Variants in PPP6C observed in about 807,000 individuals in gnomAD.
The protein encoded by PPP6C is serine/threonine-protein phosphatase 6 catalytic subunit.
Under a neutral mutation model 39.8 loss-of-function variants are expected in PPP6C, and 11 were observed. The ratio of observed to expected loss-of-function variants is 0.28; its 90% CI spans 0.17 to 0.46. The LOEUF (loss-of-function observed/expected upper bound fraction) is 0.46, where lower values mean the gene tolerates loss of function less well. Ranked by LOEUF, PPP6C falls within the 20% of genes least tolerant of loss-of-function variation. The pLI is 1.00. For synonymous variants in PPP6C, 129 were observed against 130.3 expected (o/e 0.99, Z 0.07); for missense variants, 211 against 373.9 (o/e 0.56, Z 3.59).
Position 125,189,681 on chromosome 9 carries a change from G to A in PPP6C, c.38C>T (p.Ala13Val). 3 of 1,612,328 alleles carry A rather than the reference G, an allele frequency of 1.9e-6. No individual in the cohort carries two copies. The highest frequency in any genetic ancestry group is 1.7e-5 in the Admixed American group (1 of 59,946). ...CTCTGGCAGGTACTTGCACAGCCGC[G>A]CTATTTCCACATACTTGTCCAGGTC... ...PLDLDKYVEI[A>V]RLCKYLPEND... Residue 13 changes from alanine (A) to valine (V), a missense_variant, in exon 1 of 7, where the codon GCG (alanine) becomes GTG (valine). Ala to Val is a moderately conservative substitution (Grantham distance 64). Transcript: ENST00000373547.
At chr9:125,160,740 A>C in intron 3 of PPP6C, 101 bp downstream of exon 3, 1 of 811,660 alleles carries the variant, frequency 1.2e-6, no homozygotes, top group South Asian at 2.1e-5. Flanking sequence ...ATACTGAAAT[A>C]GGGACTGTCA....
chr9:125,156,835 C>T (rs939686652), intron 4 of PPP6C, among the ~76,000 whole-genome samples: 5 of 150,834 alleles, frequency 3.3e-5, no homozygotes, highest in African/African-American at 1.2e-4. Flanking sequence ...TTTCTTGAGA[C>T]AGAGTCTGGC....
rs191510784 is a variant in PPP6C, at chr9:125,157,731, G to A, written c.379+510C>T. 4.3e-5 allele frequency among the ~76,000 whole-genome samples: 6 copies of A among 140,070 alleles called. No homozygotes were observed. The East Asian group carries it at 1.2e-3, about 29-fold the overall frequency. 91.9% of individuals were successfully genotyped at this position (140,070 alleles called of 152,430 possible). A position where few individuals can be genotyped will look rare whatever the true frequency, so the allele number is the denominator to read the frequency against. ...TTTTGAGACGGAGTCTCCCTATGTC[G>A]CCAGGCTGGAGTGCTGTGGCATGAT... On this transcript the variant is annotated intron_variant, in intron 4 of 6. Coordinates refer to ENST00000373547, the MANE Select transcript of PPP6C (RefSeq NM_002721.5).
At chr9:125,152,603 G>A (rs1459690476) in intron 6 of PPP6C, among the ~76,000 whole-genome samples, 2 of 152,110 alleles carry the variant, frequency 1.3e-5, no homozygotes, top group Admixed American at 6.5e-5. Flanking sequence ...GACCAAGGTG[G>A]GCAGATGACC....
At chr9:125,177,885 A>C (rs1311505470) in intron 1 of PPP6C, among the ~76,000 whole-genome samples, 3 of 152,198 alleles carry the variant, frequency 2.0e-5, no homozygotes, top group Non-Finnish European at 2.9e-5. Context: ...AAAATGTCAT[A>C]TAGTTGGAAT....
At chr9:125,176,791 C>CT (rs1829307428) in intron 1 of PPP6C, among the ~76,000 whole-genome samples, 1 of 152,190 alleles carries the variant, frequency 6.6e-6, no homozygotes, top group African/African-American at 2.4e-5. Context: ...AGTTAACTGG[C>CT]TTGGACAGGG....
At chr9:125,183,728 CATTTT>C (rs1252713659) in intron 1 of PPP6C, among the ~76,000 whole-genome samples, 1 of 152,150 alleles carries the variant, frequency 6.6e-6, no homozygotes, top group Non-Finnish European at 1.5e-5. Flanking sequence ...CTTTCCTTCT[CATTTT>C]GTCTACCTGA....
chr9:125,161,217 T>C (rs1315812899), intron 2 of PPP6C, among the ~76,000 whole-genome samples: 1 of 152,166 alleles, frequency 6.6e-6, no homozygotes, highest in Non-Finnish European at 1.5e-5. Context: ...AATTTCTCAG[T>C]AAGCTAATCT....
intron 4 of PPP6C, among the ~76,000 whole-genome samples, chr9:125,156,744 GCTCTCTCT>G (rs61252351): frequency 1.8e-4 from 25 of 141,436 alleles, no homozygotes; most frequent in African/African-American, 4.0e-4. Flanking sequence ...TAATAAGCTC[GCTCTCTCT>G]CTCTCTCTCT....
intron 2 of PPP6C, among the ~76,000 whole-genome samples, chr9:125,166,555 C>T (rs1829018555): frequency 2.5e-5 from 3 of 121,402 alleles, no homozygotes; most frequent in Non-Finnish European, 5.2e-5. Flanking sequence ...TTTTTTTTAG[C>T]AGAGTCTCAC....
chr9:125,157,474 A>G (rs1278021999), intron 4 of PPP6C, among the ~76,000 whole-genome samples: 1 of 152,200 alleles, frequency 6.6e-6, no homozygotes, highest in Non-Finnish European at 1.5e-5. Flanking sequence ...CCATGAAAAT[A>G]ACATTAATAA....
chr9:125,149,937 G>A lies in PPP6C; in HGVS notation c.670-16C>T. 1 of 1,611,090 alleles carries A rather than the reference G, an allele frequency of 6.2e-7. No homozygotes were observed. On this transcript the variant is annotated splice_polypyrimidine_tract_variant and intron_variant, in intron 6 of 6. Transcript: ENST00000373547. ...TATGAACAAACTGCAATTTAGAAAG[G>A]CACTGTAAGTACTTAGCACTTAAAA...
At chr9:125,183,505 A>AT (rs1416003399) in intron 1 of PPP6C, among the ~76,000 whole-genome samples, 4 of 152,238 alleles carry the variant, frequency 2.6e-5, no homozygotes, top group Admixed American at 6.6e-5. Flanking sequence ...TCACAGTATG[A>AT]TTTTTCCCTA....
chr9:125,186,680 G>T (rs376672597), intron 1 of PPP6C, among the ~76,000 whole-genome samples: 12 of 151,716 alleles, frequency 7.9e-5, no homozygotes, highest in African/African-American at 2.9e-4. Context: ...AGCCCAGGAG[G>T]TCGAGGCTGC....
chr9:125,188,953 T>G, intron 1 of PPP6C: 1 of 1,547,058 alleles, frequency 6.5e-7, no homozygotes, highest in Non-Finnish European at 8.7e-7. Context: ...AAATACTGAG[T>G]TAAGAAGGGG....
chr9:125,185,666 C>T (rs531843247), intron 1 of PPP6C, among the ~76,000 whole-genome samples: 1 of 149,994 alleles, frequency 6.7e-6, no homozygotes, highest in East Asian at 2.0e-4. Context: ...TGCACTCTAG[C>T]CTGGGCAACA....
intron 6 of PPP6C, among the ~76,000 whole-genome samples, 200 bp from the exon 7 acceptor site, chr9:125,150,121 G>A (rs925929386): frequency 7.2e-5 from 11 of 152,174 alleles, no homozygotes; most frequent in Non-Finnish European, 4.4e-5. Flanking sequence ...TATGGAAACT[G>A]TACAGCTACA....
At chr9:125,182,724 T>C (rs1456605991) in intron 1 of PPP6C, among the ~76,000 whole-genome samples, 6 of 148,784 alleles carry the variant, frequency 4.0e-5, no homozygotes, top group African/African-American at 1.5e-4. Context: ...TTGTGGATGT[T>C]TAGCAAAATC....
Position 125,163,194 on chromosome 9 carries a change from T to C in PPP6C, c.172-2288A>G, listed in dbSNP as rs139220788. Among the ~76,000 whole-genome samples the C allele has an allele frequency of 5.9e-3, 904 of 152,220 alleles. 10 individuals carry two copies. The highest frequency in any genetic ancestry group is 0.029 in the East Asian group (152 of 5,192). ...GCAACTCAAGGACCTTATGAGGCCA[T>C]GAATAAAAATTATGACGAAAACCAT... On this transcript the variant is annotated intron_variant, in intron 2 of 6. Transcript: ENST00000373547.
Sources: allele counts gnomAD v4.1 joint callset (sites outside exome capture counted in the v4.1 genomes callset), GRCh38; gene constraint gnomAD v4.1.1; transcripts MANE v1.5; gene names NCBI Gene and HGNC (gene_info 2026-07-23, HGNC 2026-07-21).